PCNT: variants seen among roughly 807,000 people sequenced by gnomAD.
The protein encoded by PCNT is kendrin.
PCNT carries 319 observed loss-of-function variants against 380.4 expected under a neutral mutation model. The ratio of observed to expected loss-of-function variants is 0.84; its 90% CI spans 0.77 to 0.92. PCNT has a LOEUF of 0.92. Ranked by LOEUF, PCNT falls within the 40% of genes least tolerant of loss-of-function variation. The pLI is 0.00. For missense variants in PCNT, 4,400 were observed against 4,255.3 expected, an observed-to-expected ratio of 1.03 and a Z score of -0.95; for synonymous variants, 1,845 against 1,735.2, an observed-to-expected ratio of 1.06 and a Z score of -1.57.
chr21:46,353,264 C>A lies in PCNT; in HGVS notation c.1617C>A (p.Thr539=). The A allele has an allele frequency of 6.2e-7, 1 of 1,614,088 alleles. No individual in the cohort carries two copies. The highest frequency in any genetic ancestry group is 1.1e-5 in the South Asian group (1 of 91,082). Residue 539 remains threonine, a synonymous_variant, in exon 10 of 47, where the codon ACC becomes ACA. Coordinates refer to ENST00000359568, the MANE Select transcript of PCNT (RefSeq NM_006031.6). The part of the protein sequence containing the change: ...DAEKTYQEDL[T]LLQQRLQGAR... ...AGAAAACTTACCAAGAAGACCTAAC[C>A]CTGTTACAGCAGAGGCTGCAGGGGG... is the stretch of plus-strand genomic sequence containing the variant.
chr21:46,416,025 T>A (rs780919806), intron 29 of PCNT, 44 bp from the exon 30 acceptor site: 2 of 1,606,018 alleles, frequency 1.2e-6, no homozygotes, highest in African/African-American at 2.7e-5. Flanking sequence ...CGACTCCTGG[T>A]GAGCCAGGTA....
In PCNT at chr21:46,384,476, G is replaced by A. The variant is rs1236529141; in HGVS notation, c.3313-1356G>A. Among the ~76,000 whole-genome samples, 3 of 147,242 alleles carry A rather than the reference G, an allele frequency of 2.0e-5. 1 individual carries two copies. The highest frequency in any genetic ancestry group is 4.5e-5 in the Non-Finnish European group (3 of 66,454). On this transcript the variant is annotated intron_variant, in intron 16 of 46. Transcript: ENST00000359568. ...CATTCACGGTGTTGTGCATTCAGTG[G>A]CAGAAGCGCATTCACGGTGTTGTAC...
At chr21:46,439,502 G>A (rs558140165) in intron 41 of PCNT, among the ~76,000 whole-genome samples, 2 of 152,228 alleles carry the variant, frequency 1.3e-5, no homozygotes, top group South Asian at 2.1e-4. Context: ...ACGTCCTCCC[G>A]TACACTCTTA....
chr21:46,404,213 C>T (rs866260814), intron 27 of PCNT, among the ~76,000 whole-genome samples: 3 of 152,220 alleles, frequency 2.0e-5, no homozygotes, highest in African/African-American at 4.8e-5. Context: ...GTGAACACAG[C>T]GTGGGAGAGT....
chr21:46,355,222 C>T (rs1463172721), intron 11 of PCNT, among the ~76,000 whole-genome samples: 1 of 152,220 alleles, frequency 6.6e-6, no homozygotes, highest in Non-Finnish European at 1.5e-5. Flanking sequence ...GTCAGTGCCA[C>T]CAATTCTTGT....
At chr21:46,387,629 C>A (rs1248658875) in intron 17 of PCNT, among the ~76,000 whole-genome samples, 3 of 152,116 alleles carry the variant, frequency 2.0e-5, no homozygotes, top group Non-Finnish European at 4.4e-5. Flanking sequence ...TCAAGCCCCT[C>A]CTCAGGACTC....
At chr21:46,421,868 G>C in intron 31 of PCNT, 102 bp from the exon 32 acceptor site, 1 of 1,281,666 alleles carries the variant, frequency 7.8e-7, no homozygotes, top group Non-Finnish European at 1.1e-6. Flanking sequence ...GGTTGTCGCT[G>C]GGGACTGCGG....
At chr21:46,343,674 GA>G (rs796450268) in intron 3 of PCNT, among the ~76,000 whole-genome samples, 3 of 152,104 alleles carry the variant, frequency 2.0e-5, no homozygotes, top group African/African-American at 7.2e-5. Flanking sequence ...CTATCTTTTG[GA>G]ATAGTTTCAG....
intron 36 of PCNT, 57 bp from the exon 37 acceptor site, chr21:46,430,450 C>T (rs1188040940): frequency 6.5e-7 from 1 of 1,541,940 alleles, no homozygotes; most frequent in African/African-American, 1.4e-5. Flanking sequence ...AGCTCCCAGC[C>T]CCCGGGAACA....
At chr21:46,423,983 C>T (rs2087382353) in intron 32 of PCNT, among the ~76,000 whole-genome samples, 1 of 152,116 alleles carries the variant, frequency 6.6e-6, no homozygotes, top group South Asian at 2.1e-4. Context: ...CCTTTATTGT[C>T]TTAATTTCTG....
intron 2 of PCNT, among the ~76,000 whole-genome samples, chr21:46,332,946 C>T (rs773125172): frequency 2.0e-5 from 3 of 152,030 alleles, no homozygotes; most frequent in Non-Finnish European, 4.4e-5. Flanking sequence ...GACCCTGTCT[C>T]TACAAAAAAA....
At chr21:46,344,389 G>C (rs989139416) in intron 3 of PCNT, among the ~76,000 whole-genome samples, 3 of 152,176 alleles carry the variant, frequency 2.0e-5, no homozygotes, top group African/African-American at 7.2e-5. Context: ...TCCTGACATT[G>C]AAGGGAGATG....
At chr21:46,386,115 G>C (rs2085825194) in intron 17 of PCNT, 132 bp downstream of exon 17, 53 of 1,043,510 alleles carry the variant, frequency 5.1e-5, no homozygotes, top group Non-Finnish European at 6.7e-5. Context: ...TGGTGGACGG[G>C]GACCCGGCTT....
intron 21 of PCNT, among the ~76,000 whole-genome samples, chr21:46,393,690 G>A (rs1006010886): frequency 6.6e-6 from 1 of 152,226 alleles, no homozygotes; most frequent in Non-Finnish European, 1.5e-5. Context: ...TGTGGCTAGC[G>A]CCCCCGTGTC....
chr21:46,401,853 T>G, intron 26 of PCNT, 132 bp downstream of exon 26: 2 of 899,882 alleles, frequency 2.2e-6, no homozygotes, highest in Non-Finnish European at 3.4e-6. Flanking sequence ...TCTTTTCTTT[T>G]TTTTGTTGTT....
intron 21 of PCNT, among the ~76,000 whole-genome samples, chr21:46,394,250 T>C (rs2086134172): frequency 6.6e-6 from 1 of 152,210 alleles, no homozygotes; most frequent in Non-Finnish European, 1.5e-5. Context: ...CCCCCTTCGC[T>C]GTGTGGTGTT....
At chr21:46,354,439 C>T (rs747171923) in intron 11 of PCNT, among the ~76,000 whole-genome samples, 6 of 152,232 alleles carry the variant, frequency 3.9e-5, no homozygotes, top group Non-Finnish European at 8.8e-5. Context: ...GTGTTTCTTC[C>T]TTGAGTTGCT....
At chr21:46,377,779 T>C (rs529393659) in intron 15 of PCNT, among the ~76,000 whole-genome samples, 7 of 152,308 alleles carry the variant, frequency 4.6e-5, no homozygotes, top group African/African-American at 7.2e-5. Flanking sequence ...CCCAGAAGGT[T>C]GAAGCTGTAG....
chr21:46,429,219 G>A (rs528064593), intron 35 of PCNT, among the ~76,000 whole-genome samples: 28 of 152,140 alleles, frequency 1.8e-4, no homozygotes, highest in African/African-American at 5.5e-4. Flanking sequence ...GCTGGGGGCC[G>A]GCGCTGTGCA....
Sources: allele counts gnomAD v4.1 joint callset (sites outside exome capture counted in the v4.1 genomes callset), GRCh38; gene constraint gnomAD v4.1.1; transcripts MANE v1.5; gene names NCBI Gene and HGNC (gene_info 2026-07-23, HGNC 2026-07-21).